The following ITPR1 variants were observed in gnomAD, a reference collection of about 807,000 sequenced individuals.
ITPR1 encodes the protein inositol 1,4,5-trisphosphate receptor type 1.
ITPR1 carries 96 observed loss-of-function variants against 318.4 expected under a neutral mutation model. The ratio of observed to expected loss-of-function variants is 0.30; its 90% CI spans 0.26 to 0.36. ITPR1 has a LOEUF of 0.36. Among genes scored for constraint, ITPR1 ranks in the 10% least tolerant of loss-of-function variants. ITPR1 has a pLI of 1.00. For missense variants in ITPR1, 2,440 were observed against 3,460.2 expected, an observed-to-expected ratio of 0.71 and a Z score of 7.40; for synonymous variants, 1,312 against 1,289.9, an observed-to-expected ratio of 1.02 and a Z score of -0.37.
At chr3:4,495,240 GT>G (rs1445712873) in intron 2 of ITPR1, among the ~76,000 whole-genome samples, 2 of 120,922 alleles carry the variant, frequency 1.7e-5, no homozygotes, top group African/African-American at 3.2e-5. Context: ...GCTATCAGGA[GT>G]TTTTTCTCCT....
chr3:4,516,752 CA>C (rs1334582979), intron 3 of ITPR1, among the ~76,000 whole-genome samples, 169 bp downstream of exon 3: 2 of 152,198 alleles, frequency 1.3e-5, no homozygotes, highest in African/African-American at 4.8e-5. Context: ...ACCTCTTATA[CA>C]AAAACACAAT....
At chr3:4,644,812 G>A (rs897213148) in intron 8 of ITPR1, among the ~76,000 whole-genome samples, 3 of 152,194 alleles carry the variant, frequency 2.0e-5, no homozygotes, top group African/African-American at 7.2e-5. Context: ...GTGACGGCAG[G>A]TTGGTTACCC....
intron 5 of ITPR1, among the ~76,000 whole-genome samples, chr3:4,631,676 T>C (rs1559575231): frequency 6.6e-6 from 1 of 152,204 alleles, no homozygotes; most frequent in Non-Finnish European, 1.5e-5. Context: ...AATTATATTA[T>C]GAATAATGCA....
chr3:4,592,688 T>C (rs2090486204), intron 4 of ITPR1, among the ~76,000 whole-genome samples: 1 of 152,220 alleles, frequency 6.6e-6, no homozygotes, highest in African/African-American at 2.4e-5. Flanking sequence ...CACCATCGTC[T>C]GCAACTCTGG....
At chr3:4,819,370 C>T (rs1171447336) in intron 60 of ITPR1, among the ~76,000 whole-genome samples, 1 of 152,228 alleles carries the variant, frequency 6.6e-6, no homozygotes, top group South Asian at 2.1e-4. Context: ...TTTTATTGTA[C>T]ATATGAATCA....
chr3:4,612,692 GC>G (rs1471162723), intron 4 of ITPR1, among the ~76,000 whole-genome samples: 1 of 151,980 alleles, frequency 6.6e-6, no homozygotes, highest in Non-Finnish European at 1.5e-5. Flanking sequence ...TTTGAGACCA[GC>G]CTGGCCAACG....
intron 26 of ITPR1, among the ~76,000 whole-genome samples, chr3:4,682,079 T>G (rs6785591): frequency 0.15 from 23,075 of 152,222 alleles, 1,989 homozygotes; most frequent in Middle Eastern, 0.24. Context: ...CCAAAAAACT[T>G]AAGGATTCAA....
intron 61 of ITPR1, among the ~76,000 whole-genome samples, chr3:4,842,651 C>T (rs1365551965): frequency 6.6e-6 from 1 of 152,134 alleles, no homozygotes; most frequent in Admixed American, 6.5e-5. Context: ...GCCACCATGC[C>T]CAGCCGTTTT....
intron 4 of ITPR1, among the ~76,000 whole-genome samples, chr3:4,524,796 T>C (rs2082845882): frequency 6.6e-6 from 1 of 152,246 alleles, no homozygotes; most frequent in South Asian, 2.1e-4. Flanking sequence ...TCAGGCTTCC[T>C]GGTTCATATC....
intron 41 of ITPR1, among the ~76,000 whole-genome samples, chr3:4,726,194 G>A (rs553173732): frequency 2.9e-3 from 433 of 151,918 alleles, no homozygotes; most frequent in Non-Finnish European, 3.6e-3. Context: ...AACGCTCAGC[G>A]AATTTTTGTA....
chr3:4,505,558 G>T (rs80305432), intron 2 of ITPR1, among the ~76,000 whole-genome samples: 1 of 152,230 alleles, frequency 6.6e-6, no homozygotes, highest in African/African-American at 2.4e-5. Context: ...ACCAAAGGAC[G>T]TTGGCAAGGG....
Position 4,693,727 on chromosome 3 carries a change from G to A in ITPR1, c.4267G>A (p.Asp1423Asn). 1 of 1,612,790 alleles carries A rather than the reference G, an allele frequency of 6.2e-7. No homozygotes were observed. The highest frequency in any genetic ancestry group is 8.5e-7 in the Non-Finnish European group (1 of 1,179,294). ...DDIVRVVTHE[D>N]CIPEVKIAYI... ...CATCGTTCGCGTGGTGACCCACGAG[G>A]ACTGCATCCCTGAGGTGAGCGAGCC... is the stretch of plus-strand genomic sequence containing the variant. The change falls in exon 33 of 62, where the codon GAC becomes AAC. Residue 1423 changes from aspartate (D) to asparagine (N), a missense_variant. Asp to Asn is a conservative substitution (Grantham distance 23). Transcript: ENST00000649015.
chr3:4,736,144 GT>G (rs5846334), intron 44 of ITPR1, among the ~76,000 whole-genome samples: 23 of 150,128 alleles, frequency 1.5e-4, no homozygotes, highest in Admixed American at 4.0e-4. Flanking sequence ...CTGAATAAGA[GT>G]TTTTTTTTTG....
At chr3:4,719,215 C>G (rs1385988125) in intron 40 of ITPR1, among the ~76,000 whole-genome samples, 1 of 152,188 alleles carries the variant, frequency 6.6e-6, no homozygotes, top group African/African-American at 2.4e-5. Context: ...GTTCTGGCAG[C>G]CACTCAGATT....
intron 21 of ITPR1, 89 bp downstream of exon 21, chr3:4,673,476 A>G (rs540137792): frequency 2.3e-6 from 3 of 1,285,642 alleles, no homozygotes; most frequent in African/African-American, 1.5e-5. Flanking sequence ...TAGAAGAAAG[A>G]TGAAGTGTTG....
intron 48 of ITPR1, 107 bp downstream of exon 48, chr3:4,777,481 A>G: frequency 2.9e-6 from 2 of 687,886 alleles, no homozygotes; most frequent in Non-Finnish European, 5.1e-6. Context: ...AATATTAAAG[A>G]TAGTTCTTTA....
rs5846332 is a variant in ITPR1, at chr3:4,721,172, G to GTATATATATATATATATATA, written c.5136+3785_5136+3804dup. Among the ~76,000 whole-genome samples the GTATATATATATATATATATA allele has an allele frequency of 7.3e-3, 910 of 124,548 alleles. 16 individuals are homozygous for GTATATATATATATATATATA. The highest frequency in any genetic ancestry group is 0.014 in the African/African-American group (395 of 27,362). 81.7% of individuals were successfully genotyped at this position (124,548 alleles called of 152,430 possible). A position where few individuals can be genotyped will look rare whatever the true frequency, so the allele number is the denominator to read the frequency against. ...TGTGTGTAGATACGTGTGTGTGCGT[G>GTATATATATATATATATATA]TATATATATATATATATATATATAT... On this transcript the variant is annotated intron_variant, in intron 40 of 61. Transcript: ENST00000649015.
intron 2 of ITPR1, among the ~76,000 whole-genome samples, chr3:4,498,912 T>C (rs900236877): frequency 2.0e-5 from 3 of 152,236 alleles, no homozygotes; most frequent in African/African-American, 7.2e-5. Context: ...AATTAGAAGC[T>C]TCACATCAGT....
Position 4,669,727 on chromosome 3 carries a change from A to G in ITPR1, c.1960A>G (p.Lys654Glu). The G allele has an allele frequency of 6.2e-7, 1 of 1,613,432 alleles. No individual in the cohort carries two copies. Among genetic ancestry groups the G allele is most frequent in the Non-Finnish European group, 8.5e-7 (1 of 1,179,482 alleles). ...TCCAGTGACCCAGGAACTGATATGT[A>G]AAGCTGTGCTGAACCCCACCAACGC... ...SIPVTQELIC[K>E]AVLNPTNADI... is the part of the protein sequence containing the mutation. Residue 654 changes from lysine (K) to glutamate (E), a missense_variant, in exon 19 of 62, where the codon AAA becomes GAA. Lys to Glu is a moderately conservative substitution (Grantham distance 56). This residue lies in a region of ITPR1 where 478 missense variants were observed against 696.3 expected (regional missense o/e 0.69). Transcript: ENST00000649015.
Sources: gnomAD v4.1 joint callset for allele counts (sites outside exome capture counted in the v4.1 genomes callset) on GRCh38, gnomAD v4.1.1 for gene constraint, gnomAD v4.1.1 regional missense constraint, MANE v1.5 for transcripts, NCBI Gene and HGNC (gene_info 2026-07-23, HGNC 2026-07-21) for gene names.